The following RGS6 variants were observed in gnomAD, a reference collection of about 807,000 sequenced individuals.
The protein encoded by RGS6 is regulator of G protein signaling 6, also known as regulator of G-protein signaling 6.
A neutral mutation model predicts 78.5 loss-of-function variants in RGS6; 30 were observed. The observed-to-expected ratio is 0.38, with a 90% CI of 0.29 to 0.52. RGS6 has a LOEUF of 0.52. Among genes scored for constraint, RGS6 ranks in the 20% least tolerant of loss-of-function variants. The pLI is 0.85. For missense variants in RGS6, 495 were observed against 609.7 expected, an observed-to-expected ratio of 0.81 and a Z score of 1.98; for synonymous variants, 206 against 206.0, an observed-to-expected ratio of 1.00 and a Z score of 0.00.
chr14:72,030,381 A>C (rs1179095418), intron 2 of RGS6, among the ~76,000 whole-genome samples: 1 of 152,150 alleles, frequency 6.6e-6, no homozygotes, highest in East Asian at 1.9e-4. Context: ...AAGGAAATAA[A>C]AGTTTGAAAA....
At chr14:72,089,922 T>G (rs2095205051) in intron 2 of RGS6, among the ~76,000 whole-genome samples, 1 of 152,094 alleles carries the variant, frequency 6.6e-6, no homozygotes, top group Non-Finnish European at 1.5e-5. Context: ...AACTCCCAAG[T>G]GGGCTGACAG....
intron 2 of RGS6, among the ~76,000 whole-genome samples, chr14:72,295,744 G>A (rs1409095244): frequency 1.3e-5 from 2 of 152,194 alleles, no homozygotes; most frequent in Admixed American, 1.3e-4. Context: ...TAAGCAGCCA[G>A]TGGGAAGAGA....
intron 2 of RGS6, among the ~76,000 whole-genome samples, chr14:72,151,865 G>A (rs954845238): frequency 1.6e-4 from 25 of 152,252 alleles, no homozygotes; most frequent in African/African-American, 5.8e-4. Context: ...TTTAGGACCT[G>A]TGCACAGTGT....
intron 3 of RGS6, among the ~76,000 whole-genome samples, chr14:72,441,229 C>A (rs945282634): frequency 6.6e-6 from 1 of 152,118 alleles, no homozygotes; most frequent in Non-Finnish European, 1.5e-5. Context: ...GGAAGGCAGA[C>A]CCCTGCAGGC....
intron 2 of RGS6, among the ~76,000 whole-genome samples, chr14:72,296,719 T>C (rs992611492): frequency 6.6e-6 from 1 of 152,182 alleles, no homozygotes; most frequent in Non-Finnish European, 1.5e-5. Flanking sequence ...CTGGGAAATA[T>C]TTTCTCCCAA....
At chr14:71,906,964 C>A in the RGS6 span, among the ~76,000 whole-genome samples, 4 of 152,162 alleles carry the variant, frequency 2.6e-5, no homozygotes, top group Non-Finnish European at 5.9e-5. Flanking sequence ...AGAGAAAATG[C>A]TGTACTTAGA....
intron 2 of RGS6, among the ~76,000 whole-genome samples, chr14:72,304,075 T>C (rs1247143094): frequency 1.3e-5 from 2 of 152,194 alleles, no homozygotes; most frequent in African/African-American, 2.4e-5. Context: ...AGTCACATCC[T>C]CCTGTAGGAA....
intron 1 of RGS6, among the ~76,000 whole-genome samples, chr14:71,940,438 T>C (rs561024842): frequency 6.6e-6 from 1 of 152,328 alleles, no homozygotes; most frequent in South Asian, 2.1e-4. Flanking sequence ...AATTAGTCTT[T>C]TGTCCATTCA....
upstream of RGS6, among the ~76,000 whole-genome samples, chr14:71,932,151 C>T (rs1226951867): frequency 1.3e-5 from 2 of 152,246 alleles, no homozygotes; most frequent in African/African-American, 4.8e-5. Flanking sequence ...GTTTTCTCGG[C>T]GGCTTCTTGA....
At chr14:72,154,847 C>A (rs1333301467) in intron 2 of RGS6, among the ~76,000 whole-genome samples, 1 of 152,242 alleles carries the variant, frequency 6.6e-6, no homozygotes, top group Non-Finnish European at 1.5e-5. Context: ...CCTAATGAGG[C>A]TTGTTCCCTC....
chr14:72,122,039 C>T (rs578010571), intron 2 of RGS6, among the ~76,000 whole-genome samples: 173 of 152,196 alleles, frequency 1.1e-3, no homozygotes, highest in African/African-American at 3.9e-3. Context: ...AAAAAATTAC[C>T]CCACCCAAAA....
chr14:71,931,136 G>A (rs36325), upstream of RGS6, among the ~76,000 whole-genome samples: 9,191 of 151,886 alleles, frequency 0.061, 382 homozygotes, highest in Non-Finnish European at 0.091. Context: ...GCCAAGTATT[G>A]AGCCTGAGGA....
intron 2 of RGS6, among the ~76,000 whole-genome samples, chr14:72,132,211 CTATATT>C (rs965200856): frequency 2.0e-5 from 3 of 151,986 alleles, no homozygotes; most frequent in African/African-American, 7.2e-5. Context: ...GTACCAGGCA[CTATATT>C]TGGTTCTAGT....
chr14:71,933,866 G>C (rs1414837748), intron 1 of RGS6, among the ~76,000 whole-genome samples: 1 of 152,154 alleles, frequency 6.6e-6, no homozygotes, highest in Non-Finnish European at 1.5e-5. Context: ...GTGAGAGATG[G>C]AAGAACTGGG....
At chr14:72,104,905 C>A (rs2095602158) in intron 2 of RGS6, among the ~76,000 whole-genome samples, 2 of 152,180 alleles carry the variant, frequency 1.3e-5, no homozygotes, top group Admixed American at 1.3e-4. Flanking sequence ...GGGAATGACA[C>A]TTTGAGTACA....
intron 5 of RGS6, 96 bp downstream of exon 5, chr14:72,458,473 G>GGCTACTCCCTCA: frequency 1.1e-6 from 1 of 935,164 alleles, no homozygotes; most frequent in Non-Finnish European, 1.7e-6. Context: ...GATATCTGAG[G>GGCTACTCCCTCA]GAGTAGCCCT....
chr14:72,296,173 G>A (rs902823022), intron 2 of RGS6, among the ~76,000 whole-genome samples: 3 of 152,164 alleles, frequency 2.0e-5, no homozygotes, highest in East Asian at 1.9e-4. Flanking sequence ...ATTTATCCAT[G>A]TTGCAGCATA....
chr14:72,391,735 C>T (rs960223216), intron 3 of RGS6, among the ~76,000 whole-genome samples: 3 of 152,176 alleles, frequency 2.0e-5, no homozygotes, highest in Admixed American at 2.0e-4. Flanking sequence ...TCTCTTAATA[C>T]TATCTCTCCC....
At chr14:71,959,962 T>A (rs1221650018) in intron 1 of RGS6, among the ~76,000 whole-genome samples, 2 of 152,192 alleles carry the variant, frequency 1.3e-5, no homozygotes. Flanking sequence ...AGAGCTGAGA[T>A]GTGATTCCCA....
Sources: allele counts gnomAD v4.1 joint callset (sites outside exome capture counted in the v4.1 genomes callset), GRCh38; gene constraint gnomAD v4.1.1; transcripts MANE v1.5; gene names NCBI Gene and HGNC (gene_info 2026-07-23, HGNC 2026-07-21).